Variants in DHX38 observed in about 807,000 individuals in gnomAD.
DHX38 encodes DEAH-box helicase 38.
DHX38 carries 100 observed loss-of-function variants against 153.1 expected under a neutral mutation model. The ratio of observed to expected loss-of-function variants is 0.65; its 90% confidence interval spans 0.56 to 0.77. The LOEUF (loss-of-function observed/expected upper bound fraction) is 0.77, where lower values mean the gene tolerates loss of function less well. DHX38 is among the 30% of genes least tolerant of loss of function. DHX38 has a pLI of 0.00. For missense variants in DHX38, 1,440 were observed against 1,654.0 expected (o/e 0.87, Z 2.24); for synonymous variants, 650 against 631.7 (o/e 1.03, Z -0.43).
Position 72,107,698 on chromosome 16 carries a change from CT to C in DHX38, c.2864del (p.Leu955ArgfsTer55). 1 of 1,614,188 alleles carries C rather than the reference CT, an allele frequency of 6.2e-7. No homozygotes were observed. The highest frequency in any genetic ancestry group is 8.5e-7 in the Non-Finnish European group (1 of 1,180,036). On this transcript the variant is annotated frameshift_variant, in exon 21 of 27. Coordinates refer to ENST00000268482, the MANE Select transcript of DHX38 (RefSeq NM_014003.4). LOFTEE classifies it high-confidence loss of function. The surrounding 1 kb of genome is among the most constrained non-coding windows in gnomAD (Gnocchi z 5.3). ...LMVEFPLDPA[L>X]SKMLIVSCDM... is the part of the protein sequence containing the mutation. ...GGTGGAGTTCCCGCTGGACCCTGCC[CT>C]GTCCAAGATGCTCATCGTGTCCTGT...
rs1365874880 is a variant in DHX38 at position 72,097,840 on chromosome 16, G to A, written c.616+59G>A. 4.1e-6 allele frequency: 6 copies of A among 1,447,270 alleles called. No homozygotes were observed. The Admixed American group carries it at 7.7e-5, about 18-fold the overall frequency. The allele number at this position is 1,447,270 out of a possible 1,614,324, so 89.7% of individuals were successfully genotyped here. A position where few individuals can be genotyped will look rare whatever the true frequency, so the allele number is the denominator to read the frequency against. On this transcript the variant is annotated intron_variant, in intron 4 of 26. Coordinates refer to ENST00000268482, the MANE Select transcript of DHX38 (RefSeq NM_014003.4). The stretch of plus-strand genomic sequence containing the variant: ...CAAGTGTATAAAAGGCAGAGTGAGT[G>A]ACTCTCGTCTTCAGTGAGATTGCTG...
At chr16:72,097,031 C>T in intron 3 of DHX38, 22 bp downstream of exon 3, 8 of 1,589,582 alleles carry the variant, frequency 5.0e-6, no homozygotes, top group Non-Finnish European at 6.9e-6. Context: ...AGCACAGTTC[C>T]TATTGTCCAT....
rs2042149121 is a variant in DHX38, at chr16:72,104,685, A to G, written c.2151+59A>G. ...CCATGCCACGCACTTCTCTGATGCG[A>G]AGCCGGCTGGAGGGTGGAGGGTGGG... On this transcript the variant is annotated intron_variant, in intron 15 of 26. Transcript: ENST00000268482. The surrounding 1 kb of genome is among the most constrained non-coding windows in gnomAD (Gnocchi z 4.5). The G allele has an allele frequency of 1.9e-6, 3 of 1,606,718 alleles. No individual in the cohort carries two copies. In the Admixed American group the frequency reaches 5.0e-5, roughly 27 times the overall value.
Position 72,104,985 on chromosome 16 carries a change from T to C in DHX38, c.2152-42T>C. 1 of 1,594,204 alleles carries C rather than the reference T, an allele frequency of 6.3e-7. No individual in the cohort carries two copies. Among genetic ancestry groups the C allele is most frequent in the South Asian group, 1.1e-5 (1 of 89,458 alleles). On this transcript the variant is annotated intron_variant, in intron 15 of 26. Coordinates refer to ENST00000268482, the MANE Select transcript of DHX38 (RefSeq NM_014003.4). The surrounding 1 kb of genome is among the most constrained non-coding windows in gnomAD (Gnocchi z 4.5). The stretch of plus-strand genomic sequence containing the variant: ...CTCCCAGGAGATGCCCGGCCTGCGC[T>C]TCTAGTACCTCCCTCTGACTGTGTC...
chr16:72,108,132 T>G, intron 21 of DHX38, 95 bp from the exon 22 acceptor site: 1 of 1,380,664 alleles, frequency 7.2e-7, no homozygotes, highest in Non-Finnish European at 9.9e-7. Context: ...TGAAGTTCTA[T>G]GTGTGGGTAG....
chr16:72,095,432 C>T (rs956846451), intron 1 of DHX38, among the ~76,000 whole-genome samples: 1 of 152,154 alleles, frequency 6.6e-6, no homozygotes, highest in Non-Finnish European at 1.5e-5. Context: ...CCTTCTGCCC[C>T]ATCTCTGTGC....
At chr16:72,097,074 T>C in intron 3 of DHX38, 65 bp downstream of exon 3, 2 of 1,527,492 alleles carry the variant, frequency 1.3e-6, no homozygotes, top group Admixed American at 2.0e-5. Flanking sequence ...GCCTTTTTCT[T>C]GTTGCAGGAG....
Position 72,108,669 on chromosome 16 carries a change from CCTTT to C in DHX38, c.3255+63_3255+66del. ...ATACCTGTATAAGGGCAAAGTTCTT[CCTTT>C]GTCCTGGTGTGGTTCTGCAGATCTG... On this transcript the variant is annotated intron_variant, in intron 23 of 26. Coordinates refer to ENST00000268482, the MANE Select transcript of DHX38 (RefSeq NM_014003.4). The C allele has an allele frequency of 1.9e-6, 3 of 1,593,088 alleles. No homozygotes were observed. The South Asian group carries it at 3.4e-5, about 18-fold the overall frequency.
At position 72,108,208 on chromosome 16, in the gene DHX38, G is replaced by A; in HGVS notation, c.2965-19G>A. ...GGACCCCCCTGTACTTAGAGTGAAG[G>A]TTCTTTTTCCCTTCCTAGGGTCGAG... On this transcript the variant is annotated intron_variant, in intron 21 of 26. Transcript: ENST00000268482. The A allele has an allele frequency of 2.5e-6, 4 of 1,613,218 alleles. No individual in the cohort carries two copies. Among genetic ancestry groups the A allele is most frequent in the Non-Finnish European group, 2.5e-6 (3 of 1,179,862 alleles).
chr16:72,109,303 C>G (rs1469300947), intron 24 of DHX38, 112 bp from the exon 25 acceptor site: 8 of 1,202,834 alleles, frequency 6.7e-6, no homozygotes, highest in African/African-American at 3.1e-5. Context: ...CTTTTTTCAG[C>G]CTTGCAGGGC....
chr16:72,108,172 T>C, intron 21 of DHX38, 55 bp from the exon 22 acceptor site: 2 of 1,596,282 alleles, frequency 1.3e-6, no homozygotes, highest in South Asian at 1.1e-5. Context: ...TGGGATGTGC[T>C]CAGTGGGCCT....
intron 1 of DHX38, among the ~76,000 whole-genome samples, chr16:72,094,942 G>A (rs1462038503): frequency 1.3e-5 from 2 of 152,166 alleles, no homozygotes; most frequent in African/African-American, 2.4e-5. Flanking sequence ...CCTCACATGC[G>A]CACAGATGTC....
At position 72,107,275 on chromosome 16, in the gene DHX38, T is replaced by C; in HGVS notation, c.2601-65T>C. On this transcript the variant is annotated intron_variant, in intron 19 of 26. Coordinates refer to ENST00000268482, the MANE Select transcript of DHX38 (RefSeq NM_014003.4). The surrounding 1 kb of genome is among the most constrained non-coding windows in gnomAD (Gnocchi z 5.3). ...GAGAATTTCCTCCCTCCCTGTGGGATTTCATCTGTACTGGCTGCTGTGGGG... is the reference window on the plus strand; with the variant it reads ...GAGAATTTCCTCCCTCCCTGTGGGACTTCATCTGTACTGGCTGCTGTGGGG... 6.7e-7 allele frequency: 1 copy of C among 1,489,268 alleles called. No homozygotes were observed. Among genetic ancestry groups the C allele is most frequent in the South Asian group, 1.3e-5 (1 of 78,532 alleles). 92.3% of individuals were successfully genotyped at this position (1,489,268 alleles called of 1,614,324 possible).
intron 24 of DHX38, 78 bp downstream of exon 24, chr16:72,109,003 C>CA (rs1361451202): frequency 6.6e-7 from 1 of 1,512,346 alleles, no homozygotes; most frequent in East Asian, 2.3e-5. Flanking sequence ...TGCGTTCTGG[C>CA]ATGAGCTTTT....
rs1242684798 is a variant in DHX38 at position 72,110,822 on chromosome 16, T to C, written c.3478-134T>C. On this transcript the variant is annotated intron_variant, in intron 25 of 26. Transcript: ENST00000268482. ...GCAGAAGAGAAGGCGGCTTTGGTAC[T>C]GGGGCAGGCAGCCATGTGGAGCACT... The C allele has an allele frequency of 4.8e-6, 6 of 1,255,530 alleles. No homozygotes were observed. The African/African-American group carries it at 9.1e-5, about 19-fold the overall frequency. 77.8% of individuals were successfully genotyped at this position (1,255,530 alleles called of 1,614,324 possible).
At chr16:72,108,111 A>G (rs1597447811) in intron 21 of DHX38, 116 bp from the exon 22 acceptor site, 23 of 1,237,036 alleles carry the variant, frequency 1.9e-5, no homozygotes, top group South Asian at 4.3e-5. Flanking sequence ...AGGGCAACCT[A>G]TTGACATGTT....
rs2042064834 is a variant in DHX38, at chr16:72,099,276, A to G, written c.956A>G (p.Gln319Arg). The G allele has an allele frequency of 1.2e-6, 2 of 1,610,140 alleles. No individual in the cohort carries two copies. Among genetic ancestry groups the G allele is most frequent in the African/African-American group, 1.3e-5 (1 of 74,846 alleles). Residue 319 changes from glutamine (Q) to arginine (R), a missense_variant, in exon 7 of 27, where the codon CAG (glutamine) becomes CGG (arginine). By Grantham distance (43) the Gln-to-Arg change is conservative. This residue lies in a region of DHX38 where 483 missense variants were observed against 465.1 expected (regional missense o/e 1.04). Transcript: ENST00000268482. ...GAGCGGCAGCAGTGGGAAGATGACC[A>G]GAGGGTAAAGTTTTATACCTCTGAG... ...EEERQQWEDD[Q>R]RQADRDWYMM...
In DHX38 at chr16:72,104,917, A is replaced by C; in HGVS notation, c.2152-110A>C. 1 of 1,138,742 alleles carries C rather than the reference A, an allele frequency of 8.8e-7. No homozygotes were observed. Among genetic ancestry groups the C allele is most frequent in the Non-Finnish European group, 1.2e-6 (1 of 808,036 alleles). The allele number at this position is 1,138,742 out of a possible 1,614,324, so 70.5% of individuals were successfully genotyped here. ...CCCATGTGGAGGTGTGGTGGCCCTC[A>C]AAGTCCATGGCTCCATTCCAGAGCA... is the stretch of plus-strand genomic sequence containing the variant. On this transcript the variant is annotated intron_variant, in intron 15 of 26. Transcript: ENST00000268482. The surrounding 1 kb of genome is among the most constrained non-coding windows in gnomAD (Gnocchi z 4.5).
At position 72,103,046 on chromosome 16, in the gene DHX38, G is replaced by A. The variant is rs776170226; in HGVS notation, c.1500-28G>A. 1.9e-5 allele frequency: 30 copies of A among 1,612,120 alleles called. No individual in the cohort carries two copies. In the South Asian group the frequency reaches 2.9e-4, roughly 15 times the overall value. On this transcript the variant is annotated intron_variant, in intron 11 of 26. Coordinates refer to ENST00000268482, the MANE Select transcript of DHX38 (RefSeq NM_014003.4). The stretch of plus-strand genomic sequence containing the variant: ...GAAGGACAGCATGGGGCACCATGCA[G>A]GGTGTTTAGGCTGCTGTGTGTTCCT...
Sources: gnomAD v4.1 joint callset for allele counts (sites outside exome capture counted in the v4.1 genomes callset) on GRCh38, gnomAD v4.1.1 for gene constraint, gnomAD v4.1.1 regional missense constraint, Gnocchi (gnomAD v3.1) non-coding constraint, MANE v1.5 for transcripts, NCBI Gene and HGNC (gene_info 2026-07-23, HGNC 2026-07-21) for gene names.